Variants in PRAG1 observed in about 807,000 individuals in gnomAD.
The protein encoded by PRAG1 is inactive tyrosine-protein kinase PRAG1.
Under a neutral mutation model 95.6 loss-of-function variants are expected in PRAG1, and 110 were observed. The observed-to-expected ratio is 1.15, with a 90% CI of 0.99 to 1.35. PRAG1 has a LOEUF of 1.35. Ranked by LOEUF, PRAG1 falls within the 40% of genes most tolerant of loss-of-function variation. The pLI, the probability that PRAG1 is intolerant of heterozygous loss-of-function variation, is 0.00. For missense variants in PRAG1, 2,554 were observed against 1,864.7 expected (o/e 1.37, Z -6.81); for synonymous variants, 1,052 against 819.4 (o/e 1.28, Z -4.85).
rs745477097 is a variant in PRAG1, at chr8:8,328,299, G to A, written c.2483C>T (p.Pro828Leu). Residue 828 changes from proline to leucine, a missense_variant, in exon 5 of 6, where the codon CCG (proline) becomes CTG (leucine). Pro to Leu is a moderately conservative substitution (Grantham distance 98). Transcript: ENST00000615670. ...KKIVSRAASSPDGFFWTQGSP... is the reference protein window; with the variant it reads ...KKIVSRAASSLDGFFWTQGSP... Reference sequence around the variant, plus strand: ...GCCTTGGGTCCAGAAGAAGCCATCCGGTGAAGAGGCTGCCCGGCTCACTAT... The same window carrying A: ...GCCTTGGGTCCAGAAGAAGCCATCCAGTGAAGAGGCTGCCCGGCTCACTAT... 62 of 1,613,838 alleles carry A rather than the reference G, an allele frequency of 3.8e-5. No individual in the cohort carries two copies. The highest frequency in any genetic ancestry group is 4.7e-5 in the Non-Finnish European group (56 of 1,179,930).
intron 4 of PRAG1, 136 bp from the exon 5 acceptor site, chr8:8,328,597 C>G: frequency 4.7e-6 from 4 of 859,074 alleles, no homozygotes; most frequent in South Asian, 1.9e-5. Flanking sequence ...TTCTATTTCT[C>G]TAATAGACAA....
chr8:8,374,682 T>TA, intron 3 of PRAG1: 1 of 985,394 alleles, frequency 1.0e-6, no homozygotes, highest in South Asian at 4.7e-5. Flanking sequence ...ATTCGGGGAC[T>TA]ACACGCGGCT....
intron 2 of PRAG1, 48 bp downstream of exon 2, chr8:8,381,370 A>T (rs112937417): frequency 1.4e-5 from 22 of 1,542,776 alleles, no homozygotes; most frequent in Non-Finnish European, 1.9e-5. Flanking sequence ...CAAGTGTTCA[A>T]ACAGGAGCAG....
chr8:8,370,405 A>C (rs998284985), intron 3 of PRAG1, among the ~76,000 whole-genome samples: 2 of 152,200 alleles, frequency 1.3e-5, no homozygotes, highest in Non-Finnish European at 2.9e-5. Flanking sequence ...CCCCTGACCA[A>C]CTTGACCTCC....
intron 3 of PRAG1, among the ~76,000 whole-genome samples, chr8:8,355,402 A>T (rs1237802710): frequency 6.6e-6 from 1 of 152,188 alleles, no homozygotes; most frequent in Non-Finnish European, 1.5e-5. Context: ...TCACAGAAAT[A>T]GAAAAAACAA....
At chr8:8,381,270 C>A in intron 2 of PRAG1, 148 bp downstream of exon 2, 2 of 683,318 alleles carry the variant, frequency 2.9e-6, no homozygotes. Flanking sequence ...ACAGCGAATC[C>A]CAGGCAGGAG....
chr8:8,323,566 T>C (rs1254517798), intron 5 of PRAG1, among the ~76,000 whole-genome samples: 1 of 152,118 alleles, frequency 6.6e-6, no homozygotes, highest in Non-Finnish European at 1.5e-5. Flanking sequence ...CCTCGTGATC[T>C]ACCTGCCTTG....
intron 2 of PRAG1, among the ~76,000 whole-genome samples, chr8:8,379,716 T>C (rs1800568339): frequency 6.6e-6 from 1 of 152,224 alleles, no homozygotes. Context: ...AGGATATGTC[T>C]TAGCCACATA....
At chr8:8,375,870 G>A (rs1395905682) in intron 3 of PRAG1, among the ~76,000 whole-genome samples, 1 of 152,080 alleles carries the variant, frequency 6.6e-6, no homozygotes, top group Non-Finnish European at 1.5e-5. Context: ...TCTTTTGCAT[G>A]TTTAAATTAA....
intron 3 of PRAG1, among the ~76,000 whole-genome samples, chr8:8,343,764 G>C (rs1799245857): frequency 6.6e-6 from 1 of 152,148 alleles, no homozygotes; most frequent in Admixed American, 6.5e-5. Flanking sequence ...ATAGAAATTA[G>C]TGGCATGTTT....
Position 8,377,213 on chromosome 8 carries a change from G to T in PRAG1, c.1196C>A (p.Pro399His). 6.2e-7 allele frequency: 1 copy of T among 1,612,052 alleles called. No homozygotes were observed. Among genetic ancestry groups the T allele is most frequent in the South Asian group, 1.1e-5 (1 of 91,058 alleles). Residue 399 changes from proline to histidine, a missense_variant, in exon 3 of 6, where the codon CCC becomes CAC. Coordinates refer to ENST00000615670, the MANE Select transcript of PRAG1 (RefSeq NM_001080826.3). ...TGTAGCCTCCCGGGGGTGGGCCGGGGGCTGGGGCTCCCCCGTCAGCCCAAG... is the reference window on the plus strand; with the variant it reads ...TGTAGCCTCCCGGGGGTGGGCCGGGTGCTGGGGCTCCCCCGTCAGCCCAAG... ...RCLGLTGEPQ[P>H]PAHPREATQP...
At chr8:8,372,034 T>C (rs988723582) in intron 3 of PRAG1, among the ~76,000 whole-genome samples, 2 of 152,216 alleles carry the variant, frequency 1.3e-5, no homozygotes, top group East Asian at 1.9e-4. Context: ...CCTCTTCTCC[T>C]AACTTGAGGT....
At chr8:8,370,641 T>C in intron 3 of PRAG1, among the ~76,000 whole-genome samples, 1 of 152,184 alleles carries the variant, frequency 6.6e-6, no homozygotes, top group Non-Finnish European at 1.5e-5. Context: ...CTAATCAGAT[T>C]CGATGTGGAC....
chr8:8,318,675 T>A lies in PRAG1; in HGVS notation c.3700A>T (p.Lys1234Ter). 6.2e-7 allele frequency: 1 copy of A among 1,611,404 alleles called. No individual in the cohort carries two copies. The highest frequency in any genetic ancestry group is 1.1e-5 in the South Asian group (1 of 91,034). The change falls in exon 6 of 6, where the codon AAG becomes TAG. Residue 1234 changes from lysine to a stop codon, truncating the protein, a stop_gained. Transcript: ENST00000615670. LOFTEE classifies it high-confidence loss of function. This position sits in a 1 kb window ranked among gnomAD's most constrained non-coding sequence, Gnocchi z 4.2. ...TCGGGGGCCAGCCGGGCCTGGCTCT[T>A]CTTCTGCTGCAGGTTTGGGGTGCCG... ...PGGTPNLQQK[K>*]SQARLAPEIV... is the part of the protein sequence containing the mutation.
intron 4 of PRAG1, among the ~76,000 whole-genome samples, chr8:8,339,112 G>C (rs536879332): frequency 2.0e-5 from 3 of 152,090 alleles, no homozygotes; most frequent in Non-Finnish European, 4.4e-5. Context: ...GAGAGAGAGA[G>C]AGAGAGAGAA....
At chr8:8,358,852 C>G (rs1418393144) in intron 3 of PRAG1, among the ~76,000 whole-genome samples, 1 of 152,144 alleles carries the variant, frequency 6.6e-6, no homozygotes, top group Admixed American at 6.5e-5. Context: ...CTAAAACTTT[C>G]CTAAATAGGT....
intron 3 of PRAG1, among the ~76,000 whole-genome samples, chr8:8,366,291 A>G (rs1715338510): frequency 6.6e-6 from 1 of 150,548 alleles, no homozygotes; most frequent in Non-Finnish European, 1.5e-5. Flanking sequence ...GAGTCCCCCT[A>G]CCACCCAAAG....
intron 3 of PRAG1, among the ~76,000 whole-genome samples, chr8:8,372,902 GTC>G (rs1166179910): frequency 2.0e-5 from 3 of 152,298 alleles, no homozygotes; most frequent in African/African-American, 7.2e-5. Context: ...CAGACGATCT[GTC>G]TCTCTCACAC....
At chr8:8,346,056 A>T (rs1020347749) in intron 3 of PRAG1, among the ~76,000 whole-genome samples, 7 of 152,234 alleles carry the variant, frequency 4.6e-5, no homozygotes, top group African/African-American at 1.7e-4. Flanking sequence ...TACTATTGCA[A>T]TGATGACTTT....
Sources: gnomAD v4.1 joint callset for allele counts (sites outside exome capture counted in the v4.1 genomes callset) on GRCh38, gnomAD v4.1.1 for gene constraint, Gnocchi (gnomAD v3.1) non-coding constraint, MANE v1.5 for transcripts, NCBI Gene and HGNC (gene_info 2026-07-23, HGNC 2026-07-21) for gene names.